RBM26: variants seen among roughly 807,000 people sequenced by gnomAD.
The protein encoded by RBM26 is RNA-binding protein 26.
A neutral mutation model predicts 123.6 loss-of-function variants in RBM26; 30 were observed. The ratio of observed to expected loss-of-function variants is 0.24; its 90% CI spans 0.18 to 0.33. The LOEUF (loss-of-function observed/expected upper bound fraction) is 0.33. RBM26 is among the 10% of genes least tolerant of loss of function. The probability of loss-of-function intolerance (pLI) is 1.00; values close to 1 mark genes in which losing one functional copy is unlikely to be tolerated. For missense variants in RBM26, 947 were observed against 1,203.6 expected (o/e 0.79, Z 3.15); for synonymous variants, 400 against 404.4 (o/e 0.99, Z 0.13).
chr13:79,400,590 T>TA (rs1442418999), intron 1 of RBM26, among the ~76,000 whole-genome samples: 1 of 151,436 alleles, frequency 6.6e-6, no homozygotes, highest in Non-Finnish European at 1.5e-5. Context: ...ATGTCAGAAG[T>TA]AAAAAATGGA....
At position 79,397,908 on chromosome 13, in the gene RBM26, T is replaced by C. The variant is rs576767728; in HGVS notation, c.71+7796A>G. Among the ~76,000 whole-genome samples, 89 of 152,022 alleles carry C rather than the reference T, an allele frequency of 5.9e-4. 1 individual carries two copies. The highest frequency in any genetic ancestry group is 3.2e-3 in the Middle Eastern group (1 of 316). On this transcript the variant is annotated intron_variant, in intron 1 of 21. Coordinates refer to ENST00000438737, the MANE Select transcript of RBM26 (RefSeq NM_001366735.2). ...AAATTTTAAAAGCATTTGTAAAACA[T>C]GTCGCAGAAAAAAATAACAAAAGAA... is the stretch of plus-strand genomic sequence containing the variant.
chr13:79,383,901 G>A (rs565229534), intron 1 of RBM26, among the ~76,000 whole-genome samples: 1 of 152,286 alleles, frequency 6.6e-6, no homozygotes, highest in East Asian at 1.9e-4. Flanking sequence ...AATTTAGATA[G>A]GAATGGAAAT....
At chr13:79,347,872 A>G (rs2072596111) in intron 14 of RBM26, among the ~76,000 whole-genome samples, 1 of 152,104 alleles carries the variant, frequency 6.6e-6, no homozygotes, top group Non-Finnish European at 1.5e-5. Context: ...AAAACAGTCA[A>G]TATTTCACAA....
chr13:79,342,579 A>T, intron 17 of RBM26, 85 bp downstream of exon 17: 1 of 1,084,424 alleles, frequency 9.2e-7, no homozygotes. Context: ...AGAAGATATT[A>T]CCTACAAGAA....
Position 79,337,193 on chromosome 13 carries a change from G to A in RBM26, c.2642C>T (p.Pro881Leu). The change falls in exon 19 of 22, where the codon CCT becomes CTT. Residue 881 changes from proline to leucine, a missense_variant. By Grantham distance (98) the Pro-to-Leu change is moderately conservative (BLOSUM62 -3). Transcript: ENST00000438737. ...GRGRGRGRGV[P>L]GHAVVDHRPR... Reference sequence around the variant, plus strand: ...ACGGTGATCCACCACAGCATGACCAGGCACACCTCGCCCTCGCCCTCGCCC... The same window carrying A: ...ACGGTGATCCACCACAGCATGACCAAGCACACCTCGCCCTCGCCCTCGCCC... 6.2e-7 allele frequency: 1 copy of A among 1,614,034 alleles called. No individual in the cohort carries two copies. Among genetic ancestry groups the A allele is most frequent in the African/African-American group, 1.3e-5 (1 of 74,998 alleles).
At chr13:79,396,150 C>T (rs2078541110) in intron 1 of RBM26, among the ~76,000 whole-genome samples, 2 of 152,010 alleles carry the variant, frequency 1.3e-5, no homozygotes, top group Admixed American at 1.3e-4. Context: ...AGATTTCTCA[C>T]CAGAAACAAC....
At chr13:79,342,970 A>G (rs2071670180) in intron 16 of RBM26, 139 bp from the exon 17 acceptor site, 1 of 541,106 alleles carries the variant, frequency 1.8e-6, no homozygotes, top group Non-Finnish European at 3.2e-6. Context: ...AACAACCATG[A>G]ATTATCTAAA....
intron 19 of RBM26, among the ~76,000 whole-genome samples, chr13:79,336,851 G>C (rs755518694): frequency 7.9e-5 from 12 of 152,110 alleles, no homozygotes; most frequent in Admixed American, 1.3e-4. Context: ...CTCTGAAACA[G>C]CAAAGTTTAT....
At chr13:79,372,837 A>AT (rs2076076397) in intron 3 of RBM26, among the ~76,000 whole-genome samples, 1 of 97,708 alleles carries the variant, frequency 1.0e-5, no homozygotes, top group African/African-American at 6.9e-5. Context: ...TTTTATATAA[A>AT]TATATTATAT....
intron 14 of RBM26, among the ~76,000 whole-genome samples, chr13:79,345,147 C>T (rs1386776247): frequency 6.6e-6 from 1 of 152,110 alleles, no homozygotes. Flanking sequence ...AAGCCACACT[C>T]AAGAGCATGG....
At chr13:79,341,033 G>T in intron 18 of RBM26, 90 bp downstream of exon 18, 1 of 672,412 alleles carries the variant, frequency 1.5e-6, no homozygotes, top group Non-Finnish European at 2.5e-6. Context: ...TTACTAATGA[G>T]AATGAAGGGA....
downstream of RBM26, among the ~76,000 whole-genome samples, chr13:79,318,426 A>C (rs2067346705): frequency 6.6e-6 from 1 of 151,436 alleles, no homozygotes; most frequent in Non-Finnish European, 1.5e-5. Context: ...ATGAAAGTAC[A>C]TGTAGAGTGC....
chr13:79,373,603 A>G (rs1334391208), intron 3 of RBM26, among the ~76,000 whole-genome samples: 3 of 113,168 alleles, frequency 2.7e-5, no homozygotes, highest in East Asian at 2.2e-4. Context: ...ATATATTTAT[A>G]TAGTATATTT....
chr13:79,367,724 T>C (rs921839116), intron 6 of RBM26, among the ~76,000 whole-genome samples: 3 of 152,106 alleles, frequency 2.0e-5, no homozygotes, highest in Admixed American at 6.6e-5. Context: ...GCACTACACT[T>C]TTTGTACAGT....
intron 10 of RBM26, among the ~76,000 whole-genome samples, chr13:79,359,284 T>TG (rs1250508696): frequency 6.6e-6 from 1 of 152,164 alleles, no homozygotes; most frequent in Non-Finnish European, 1.5e-5. Flanking sequence ...ATGACTATCC[T>TG]GTATATAGCT....
chr13:79,349,190 T>C (rs7998837), intron 14 of RBM26, among the ~76,000 whole-genome samples: 72,639 of 151,900 alleles, frequency 0.48, 17,945 homozygotes, highest in East Asian at 0.72. Context: ...ATTACGTCAC[T>C]TTTTTTTGTG....
At position 79,353,186 on chromosome 13, in the gene RBM26, A is replaced by G; in HGVS notation, c.2025T>C (p.Phe675=). The part of the protein sequence containing the change: ...TKLSVKDRLG[F]VSKPSVSATE... Reference sequence around the variant, plus strand: ...TTGCTGAAACAGATGGCTTTGATACAAAACCCAACCTGTCCTTCACAGATA... The same window carrying G: ...TTGCTGAAACAGATGGCTTTGATACGAAACCCAACCTGTCCTTCACAGATA... Residue 675 remains phenylalanine, a synonymous_variant, in exon 14 of 22, where the codon TTT becomes TTC. Transcript: ENST00000438737. 6.3e-7 allele frequency: 1 copy of G among 1,593,192 alleles called. No individual in the cohort carries two copies. Among genetic ancestry groups the G allele is most frequent in the Non-Finnish European group, 8.6e-7 (1 of 1,168,936 alleles).
Position 79,319,752 on chromosome 13 carries a change from T to C in RBM26, c.*869A>G. The C allele has an allele frequency of 1.0e-6, 1 of 982,516 alleles. No individual in the cohort carries two copies. Among genetic ancestry groups the C allele is most frequent in the Non-Finnish European group, 1.2e-6 (1 of 827,584 alleles). The allele number at this position is 982,516 out of a possible 1,614,324, so 60.9% of individuals were successfully genotyped here. On this transcript the variant is annotated 3_prime_UTR_variant, in exon 22 of 22. Transcript: ENST00000438737. ...ATAGGATCAAACCAAACTCAAGTGG[T>C]ATAATTTTTAAACATTGGATTGTAC...
chr13:79,366,151 C>A lies in RBM26; in HGVS notation c.1180G>T (p.Ala394Ser). The change falls in exon 8 of 22, where the codon GCT (alanine) becomes TCT (serine). Residue 394 changes from alanine (A) to serine (S), a missense_variant. This residue lies in a region of RBM26 where 493 missense variants were observed against 563.1 expected (regional missense o/e 0.88). Coordinates refer to ENST00000438737, the MANE Select transcript of RBM26 (RefSeq NM_001366735.2). ...LPPLQPSGMDAPPNSATSSVP... is the reference protein window; with the variant it reads ...LPPLQPSGMDSPPNSATSSVP... The stretch of plus-strand genomic sequence containing the variant: ...GAACTGGTTGCAGAGTTTGGAGGAG[C>A]ATCCATGCCAGATGGCTGCAAAGGA... 6 of 1,613,800 alleles carry A rather than the reference C, an allele frequency of 3.7e-6. No homozygotes were observed. Among genetic ancestry groups the A allele is most frequent in the Non-Finnish European group, 5.1e-6 (6 of 1,179,786 alleles).
Sources: gnomAD v4.1 joint callset for allele counts (sites outside exome capture counted in the v4.1 genomes callset) on GRCh38, gnomAD v4.1.1 for gene constraint, gnomAD v4.1.1 regional missense constraint, MANE v1.5 for transcripts, NCBI Gene and HGNC (gene_info 2026-07-23, HGNC 2026-07-21) for gene names.